The following TADA1 variants were observed in gnomAD, a reference collection of about 807,000 sequenced individuals.
TADA1 encodes transcriptional adaptor 1.
TADA1 carries 23 observed loss-of-function variants against 39.3 expected under a neutral mutation model. The ratio of observed to expected loss-of-function variants is 0.58; its 90% confidence interval spans 0.42 to 0.83. The LOEUF (loss-of-function observed/expected upper bound fraction) is 0.83, where lower values mean the gene tolerates loss of function less well. Ranked by LOEUF, TADA1 falls within the 40% of genes least tolerant of loss-of-function variation. TADA1 has a pLI of 0.00. For synonymous variants in TADA1, 137 were observed against 151.8 expected, an observed-to-expected ratio of 0.90 and a Z score of 0.72; for missense variants, 352 against 408.1, an observed-to-expected ratio of 0.86 and a Z score of 1.18.
chr1:166,861,440 G>A (rs769549328), intron 5 of TADA1, among the ~76,000 whole-genome samples: 6 of 152,118 alleles, frequency 3.9e-5, no homozygotes, highest in Non-Finnish European at 5.9e-5. Context: ...GACCATACTC[G>A]TGCATTATAG....
At chr1:166,875,654 G>A (rs987122183) in intron 1 of TADA1, among the ~76,000 whole-genome samples, 1 of 152,254 alleles carries the variant, frequency 6.6e-6, no homozygotes, top group Admixed American at 6.5e-5. Context: ...GATTTCACCA[G>A]AGGGTCCGTC....
intron 4 of TADA1, among the ~76,000 whole-genome samples, chr1:166,863,492 G>A (rs986754440): frequency 5.3e-5 from 8 of 152,256 alleles, no homozygotes; most frequent in African/African-American, 1.9e-4. Flanking sequence ...AGGCCTCCAG[G>A]CTGCCTGAGC....
intron 1 of TADA1, among the ~76,000 whole-genome samples, chr1:166,875,391 C>G (rs539509047): frequency 6.6e-6 from 1 of 152,092 alleles, no homozygotes; most frequent in Non-Finnish European, 1.5e-5. Context: ...TCTGGCTGAG[C>G]GTCTCTGGGA....
At chr1:166,869,275 TTA>T in intron 3 of TADA1, 168 bp downstream of exon 3, 5 of 535,712 alleles carry the variant, frequency 9.3e-6, no homozygotes, top group Non-Finnish European at 1.7e-5. Context: ...AGTTTCTGCT[TTA>T]AAAAAAAAAA....
chr1:166,869,032 A>T (rs1004509590), intron 3 of TADA1: 1 of 221,448 alleles, frequency 4.5e-6, no homozygotes. Context: ...GATGAAGATT[A>T]TAGAGGAAGT....
chr1:166,857,719 C>T lies in TADA1; in HGVS notation c.856G>A (p.Val286Met). 1.2e-6 allele frequency: 2 copies of T among 1,608,480 alleles called. No homozygotes were observed. The highest frequency in any genetic ancestry group is 1.7e-6 in the Non-Finnish European group (2 of 1,177,398). Residue 286 changes from valine to methionine, a missense_variant and splice_region_variant, in exon 8 of 8, where the codon GTG (valine) becomes ATG (methionine). Physicochemically the swap from Val to Met is conservative, Grantham distance 21. This residue lies in a region of TADA1 where 285 missense variants were observed against 310.9 expected (regional missense o/e 0.92). Coordinates refer to ENST00000367874, the MANE Select transcript of TADA1 (RefSeq NM_053053.4). Reference protein sequence around the residue: ...NMYDLFEALQVHREVIPTHTV... With the variant: ...NMYDLFEALQMHREVIPTHTV... Reference sequence around the variant, plus strand: ...TGTGTAGGGATGACTTCCCTGTGCACCTGGGATTAAAAAATTAACGCATGT... The same window carrying T: ...TGTGTAGGGATGACTTCCCTGTGCATCTGGGATTAAAAAATTAACGCATGT...
chr1:166,867,596 T>C lies in TADA1; in HGVS notation c.232+1849A>G, dbSNP rs148209824. On this transcript the variant is annotated intron_variant, in intron 3 of 7. Transcript: ENST00000367874. ...GAGATCTTATGTGAATTTTTTTTTTTTTTTTTTAAACACAGTTTCACTCTG... is the reference window on the plus strand; with the variant it reads ...GAGATCTTATGTGAATTTTTTTTTTCTTTTTTTAAACACAGTTTCACTCTG... Among the ~76,000 whole-genome samples the C allele has an allele frequency of 4.3e-3, 648 of 152,108 alleles. 5 individuals carry two copies. The highest frequency in any genetic ancestry group is 0.015 in the African/African-American group (602 of 41,484).
Position 166,872,498 on chromosome 1 carries a change from C to T in TADA1, c.75-2644G>A, listed in dbSNP as rs754668906. Among the ~76,000 whole-genome samples the T allele has an allele frequency of 3.9e-5, 6 of 152,158 alleles. No individual in the cohort carries two copies. In the East Asian group the frequency reaches 7.7e-4, roughly 20 times the overall value. On this transcript the variant is annotated intron_variant, in intron 1 of 7. Transcript: ENST00000367874. ...ACCAGCCTGACCAATATGATGAAAC[C>T]CTGTCTCTACTAAAAATACAAAAAT...
chr1:166,869,288 A>G, intron 3 of TADA1, 157 bp downstream of exon 3: 2 of 546,044 alleles, frequency 3.7e-6, no homozygotes, highest in Non-Finnish European at 3.2e-6. Flanking sequence ...AAAAAAAAAA[A>G]AGATTCTGTA....
At chr1:166,871,521 TTTG>T (rs371015574) in intron 1 of TADA1, among the ~76,000 whole-genome samples, 4 of 152,058 alleles carry the variant, frequency 2.6e-5, no homozygotes, top group Non-Finnish European at 4.4e-5. Flanking sequence ...TGGGTTGATG[TTTG>T]TTGTTGTTGT....
At chr1:166,860,426 T>C (rs1324572861) in intron 5 of TADA1, 89 bp from the exon 6 acceptor site, 8 of 1,318,828 alleles carry the variant, frequency 6.1e-6, no homozygotes, top group Non-Finnish European at 8.3e-6. Context: ...TTTATTGGCA[T>C]TTAGATGGAG....
intron 1 of TADA1, among the ~76,000 whole-genome samples, chr1:166,875,397 T>C (rs1658740844): frequency 6.6e-6 from 1 of 152,168 alleles, no homozygotes; most frequent in Non-Finnish European, 1.5e-5. Context: ...TGAGCGTCTC[T>C]GGGATCCTTT....
At chr1:166,864,606 C>T (rs1318320247) in intron 3 of TADA1, among the ~76,000 whole-genome samples, 5 of 152,142 alleles carry the variant, frequency 3.3e-5, no homozygotes, top group Non-Finnish European at 1.5e-5. Flanking sequence ...AACCCATTCA[C>T]TCACCCCCAA....
intron 1 of TADA1, among the ~76,000 whole-genome samples, chr1:166,870,135 G>A (rs1170127260): frequency 1.1e-4 from 17 of 152,116 alleles, no homozygotes; most frequent in Non-Finnish European, 1.0e-4. Context: ...GGCTCTATGG[G>A]CTGAATTGTG....
intron 3 of TADA1, among the ~76,000 whole-genome samples, chr1:166,868,220 G>A (rs972907413): frequency 5.3e-5 from 8 of 152,206 alleles, no homozygotes; most frequent in African/African-American, 1.9e-4. Context: ...TAAGATGGTT[G>A]AGAGAGGTGA....
At position 166,860,240 on chromosome 1, in the gene TADA1, G is replaced by T. The variant is rs764878261; in HGVS notation, c.638C>A (p.Thr213Asn). 3 of 1,613,986 alleles carry T rather than the reference G, an allele frequency of 1.9e-6. No homozygotes were observed. The highest frequency in any genetic ancestry group is 1.1e-5 in the South Asian group (1 of 91,058). The change falls in exon 6 of 8, where the codon ACC becomes AAC. Residue 213 changes from threonine to asparagine, a missense_variant. This residue lies in a region of TADA1 where 285 missense variants were observed against 310.9 expected (regional missense o/e 0.92). Transcript: ENST00000367874. ...HFKYAFGSNV[T>N]PQPYLKNSVV... is the part of the protein sequence containing the mutation. ...ACTATTCTTCAGGTATGGCTGCGGG[G>T]TCACGTTACTGCCAAAGGCATATTT...
At chr1:166,874,068 C>T (rs1658713147) in intron 1 of TADA1, among the ~76,000 whole-genome samples, 1 of 151,546 alleles carries the variant, frequency 6.6e-6, no homozygotes, top group Non-Finnish European at 1.5e-5. Context: ...TTTGGCTGGG[C>T]GCGGTGGCTC....
intron 1 of TADA1, among the ~76,000 whole-genome samples, chr1:166,875,247 A>T (rs1658736617): frequency 6.6e-6 from 1 of 152,214 alleles, no homozygotes; most frequent in South Asian, 2.1e-4. Flanking sequence ...AAAATTTCCA[A>T]ACTCTTCCTT....
intron 3 of TADA1, among the ~76,000 whole-genome samples, chr1:166,865,102 A>T (rs1411112660): frequency 6.6e-6 from 1 of 152,082 alleles, no homozygotes; most frequent in Admixed American, 6.5e-5. Flanking sequence ...AAAATAAAAA[A>T]AAAGAGGTCC....
Sources: allele counts gnomAD v4.1 joint callset (sites outside exome capture counted in the v4.1 genomes callset), GRCh38; gene constraint gnomAD v4.1.1; regional missense constraint gnomAD v4.1.1; transcripts MANE v1.5; gene names NCBI Gene and HGNC (gene_info 2026-07-23, HGNC 2026-07-21).